Variants in MCC observed in about 807,000 individuals in gnomAD.
The protein encoded by MCC is colorectal mutant cancer protein.
Under a neutral mutation model 116.2 loss-of-function variants are expected in MCC, and 90 were observed. The observed-to-expected ratio is 0.77, with a 90% CI of 0.65 to 0.92. The LOEUF is 0.92. Ranked by LOEUF, MCC falls within the 40% of genes least tolerant of loss-of-function variation. The pLI, the probability that MCC is intolerant of heterozygous loss-of-function variation, is 0.00. For missense variants in MCC, 1,516 were observed against 1,312.2 expected, an observed-to-expected ratio of 1.16 and a Z score of -2.40; for synonymous variants, 578 against 510.5, an observed-to-expected ratio of 1.13 and a Z score of -1.78.
In MCC at chr5:113,024,454, G is replaced by C. The variant is rs1750386863; in HGVS notation, c.*2848C>G. The C allele has an allele frequency of 6.6e-6, 1 of 152,160 alleles. No homozygotes were observed. Among genetic ancestry groups the C allele is most frequent in the Non-Finnish European group, 1.5e-5 (1 of 68,020 alleles). 9.4% of individuals were successfully genotyped at this position (152,160 alleles called of 1,614,324 possible). On this transcript the variant is annotated 3_prime_UTR_variant, in exon 19 of 19. Coordinates refer to ENST00000408903, the MANE Select transcript of MCC (RefSeq NM_001085377.2). ...TTTTGTTTGCCTCAGTCCAACAATG[G>C]GAAATATATTCCAAGGGAACTGTGA...
At chr5:113,043,299 T>C (rs1751848937) in intron 17 of MCC, among the ~76,000 whole-genome samples, 1 of 152,194 alleles carries the variant, frequency 6.6e-6, no homozygotes, top group Non-Finnish European at 1.5e-5. Flanking sequence ...AGAGGAATTT[T>C]CCTATTCACT....
At chr5:113,454,569 G>A (rs573766944) in intron 1 of MCC, among the ~76,000 whole-genome samples, 1 of 152,288 alleles carries the variant, frequency 6.6e-6, no homozygotes, top group East Asian at 1.9e-4. Flanking sequence ...TCTTAACAAT[G>A]TTAACAGACT....
At chr5:113,425,316 G>A (rs1471455762) in intron 1 of MCC, among the ~76,000 whole-genome samples, 1 of 152,138 alleles carries the variant, frequency 6.6e-6, no homozygotes, top group Admixed American at 6.5e-5. Flanking sequence ...TCAAATGAAA[G>A]GGCAGAATCA....
intron 5 of MCC, among the ~76,000 whole-genome samples, chr5:113,129,756 A>G (rs1374935445): frequency 2.0e-5 from 3 of 152,266 alleles, no homozygotes; most frequent in African/African-American, 4.8e-5. Flanking sequence ...ACTGGTCATT[A>G]AAGAAATGCA....
intron 17 of MCC, among the ~76,000 whole-genome samples, chr5:113,042,287 C>T (rs894014296): frequency 2.3e-5 from 3 of 133,308 alleles, no homozygotes; most frequent in African/African-American, 5.7e-5. Flanking sequence ...GCCTGGGCAA[C>T]GTAGGGAGAC....
At position 113,035,368 on chromosome 5, in the gene MCC, A is replaced by C. The variant is rs750485085; in HGVS notation, c.2757-6312T>G. ...GTCATCACTTCTCACCCGGACAACC[A>C]CAACAGCCTGCTAACTGGTTTCTCT... On this transcript the variant is annotated intron_variant, in intron 17 of 18. Transcript: ENST00000408903. 3.9e-5 allele frequency among the ~76,000 whole-genome samples: 6 copies of C among 152,274 alleles called. No individual in the cohort carries two copies. In the South Asian group the frequency reaches 1.2e-3, roughly 32 times the overall value.
At chr5:113,466,902 T>C (rs1771925382) in intron 1 of MCC, among the ~76,000 whole-genome samples, 1 of 152,240 alleles carries the variant, frequency 6.6e-6, no homozygotes, top group Admixed American at 6.5e-5. Flanking sequence ...GGTATCTCAC[T>C]GTGGTTTTGA....
At chr5:113,308,072 A>C (rs1048636962) in intron 3 of MCC, among the ~76,000 whole-genome samples, 4 of 151,914 alleles carry the variant, frequency 2.6e-5, no homozygotes, top group East Asian at 1.9e-4. Flanking sequence ...TTTCAGGCTC[A>C]AGCAATCCTC....
intron 3 of MCC, among the ~76,000 whole-genome samples, chr5:113,278,453 G>GTTAACTACCCAATT (rs1561502157): frequency 6.6e-6 from 1 of 152,172 alleles, no homozygotes; most frequent in Non-Finnish European, 1.5e-5. Flanking sequence ...GCTACAATGC[G>GTTAACTACCCAATT]AACTACCCAA....
At chr5:113,155,467 T>A (rs1005870923) in intron 3 of MCC, among the ~76,000 whole-genome samples, 5 of 152,196 alleles carry the variant, frequency 3.3e-5, no homozygotes, top group Admixed American at 3.3e-4. Flanking sequence ...CCACACTGTT[T>A]TCCATAATGG....
intron 3 of MCC, among the ~76,000 whole-genome samples, chr5:113,279,331 G>T (rs1189139644): frequency 6.6e-6 from 1 of 151,926 alleles, no homozygotes; most frequent in Non-Finnish European, 1.5e-5. Context: ...CTACCACTGA[G>T]GAATATTACA....
rs547114423 is a variant in MCC at position 113,283,926 on chromosome 5, CGATGAA to C, written c.627+56587_627+56592del. 1.8e-4 allele frequency among the ~76,000 whole-genome samples: 27 copies of C among 152,236 alleles called. 1 individual carries two copies. The South Asian group carries it at 3.3e-3, about 19-fold the overall frequency. Reference sequence around the variant, plus strand: ...CTCCTCAGCCTACTCTACATGAAGACGATGAAGATGAAGACCTTTATGATGATCCAC... The same window carrying C: ...CTCCTCAGCCTACTCTACATGAAGACGATGAAGACCTTTATGATGATCCAC... On this transcript the variant is annotated intron_variant, in intron 3 of 18. Coordinates refer to ENST00000408903, the MANE Select transcript of MCC (RefSeq NM_001085377.2).
At chr5:113,263,386 T>A (rs1003515987) in intron 3 of MCC, among the ~76,000 whole-genome samples, 1 of 152,222 alleles carries the variant, frequency 6.6e-6, no homozygotes. Context: ...TTGGCTACCA[T>A]GCCAAAGGAT....
chr5:113,207,414 T>C (rs1490599661), intron 3 of MCC, among the ~76,000 whole-genome samples: 2 of 122,306 alleles, frequency 1.6e-5, no homozygotes, highest in African/African-American at 3.1e-5. Flanking sequence ...ATGAAGGCTA[T>C]TAAGAGAGCA....
intron 1 of MCC, among the ~76,000 whole-genome samples, chr5:113,403,474 G>T (rs1424326732): frequency 6.6e-6 from 1 of 152,130 alleles, no homozygotes; most frequent in Non-Finnish European, 1.5e-5. Flanking sequence ...GGTGTTCTAC[G>T]TAATTAAACA....
intron 14 of MCC, among the ~76,000 whole-genome samples, chr5:113,057,816 C>T (rs1036117403): frequency 5.3e-5 from 8 of 152,370 alleles, no homozygotes; most frequent in East Asian, 1.9e-4. Context: ...CACAGGCGAA[C>T]GCGCGACAAA....
intron 3 of MCC, among the ~76,000 whole-genome samples, chr5:113,193,651 G>A (rs1317655549): frequency 6.6e-6 from 1 of 152,190 alleles, no homozygotes; most frequent in Admixed American, 6.5e-5. Context: ...AATACATAAA[G>A]TAGGAATAAA....
At chr5:113,381,839 G>T (rs1294789135) in intron 2 of MCC, among the ~76,000 whole-genome samples, 1 of 152,112 alleles carries the variant, frequency 6.6e-6, no homozygotes, top group African/African-American at 2.4e-5. Context: ...TCTAAGGAGA[G>T]AATGTAACCC....
intron 3 of MCC, among the ~76,000 whole-genome samples, chr5:113,220,783 A>G (rs1003700590): frequency 6.6e-6 from 1 of 152,226 alleles, no homozygotes; most frequent in African/African-American, 2.4e-5. Context: ...AAATTTTTAC[A>G]TTTCCCTCTT....
Sources: allele counts gnomAD v4.1 joint callset (sites outside exome capture counted in the v4.1 genomes callset), GRCh38; gene constraint gnomAD v4.1.1; transcripts MANE v1.5; gene names NCBI Gene and HGNC (gene_info 2026-07-23, HGNC 2026-07-21).